Variants in RIC3 observed in about 807,000 individuals in gnomAD.
RIC3 encodes the protein protein RIC-3.
RIC3 carries 28 observed loss-of-function variants against 27.3 expected under a neutral mutation model. That is an observed-to-expected ratio of 1.02 (90% confidence interval 0.76 to 1.41). RIC3 has a LOEUF of 1.41. Among genes scored for constraint, RIC3 ranks in the 40% most tolerant of loss-of-function variants. The probability of loss-of-function intolerance (pLI) is 0.00; values close to 1 mark genes in which losing one functional copy is unlikely to be tolerated. For missense variants in RIC3, 501 were observed against 444.7 expected, an observed-to-expected ratio of 1.13 and a Z score of -1.14; for synonymous variants, 184 against 160.4, an observed-to-expected ratio of 1.15 and a Z score of -1.11.
the RIC3 span, among the ~76,000 whole-genome samples, chr11:8,099,496 T>C: frequency 6.6e-6 from 1 of 152,220 alleles, no homozygotes; most frequent in African/African-American, 2.4e-5. Context: ...TGGTGCCACC[T>C]GCTGACCAGT....
intron 1 of RIC3, among the ~76,000 whole-genome samples, chr11:8,145,656 C>T (rs1949603612): frequency 6.6e-6 from 1 of 151,208 alleles, no homozygotes; most frequent in Non-Finnish European, 1.5e-5. Context: ...GGGGCAGAGG[C>T]AGGGGGAGGT....
intron 5 of RIC3, among the ~76,000 whole-genome samples, chr11:8,117,975 C>G (rs1946038196): frequency 6.6e-6 from 1 of 152,018 alleles, no homozygotes; most frequent in African/African-American, 2.4e-5. Flanking sequence ...GTAATCCCAG[C>G]ACTTTGGGAG....
intron 5 of RIC3, among the ~76,000 whole-genome samples, chr11:8,112,193 C>T (rs1326078641): frequency 6.6e-6 from 1 of 152,044 alleles, no homozygotes; most frequent in Admixed American, 6.6e-5. Context: ...AAAAAGAAAA[C>T]ACAAATCACC....
chr11:8,167,560 C>A (rs1477551573), intron 1 of RIC3, among the ~76,000 whole-genome samples: 2 of 150,140 alleles, frequency 1.3e-5, no homozygotes, highest in Non-Finnish European at 3.0e-5. Context: ...CTCCACTCTA[C>A]ATTTTCTACA....
At chr11:8,094,906 C>T in the RIC3 span, among the ~76,000 whole-genome samples, 2 of 152,248 alleles carry the variant, frequency 1.3e-5, no homozygotes, top group Non-Finnish European at 2.9e-5. Context: ...GGCAGGGTGG[C>T]TGCCACCTGT....
intron 1 of RIC3, among the ~76,000 whole-genome samples, chr11:8,154,593 G>C (rs11041771): frequency 0.035 from 5,399 of 152,218 alleles, 119 homozygotes; most frequent in South Asian, 0.085. Context: ...GACATGTATA[G>C]CTCTAGTTGA....
chr11:8,097,650 GCT>G, the RIC3 span: 1 of 1,425,764 alleles, frequency 7.0e-7, no homozygotes, highest in South Asian at 1.2e-5. Context: ...TGTGTGAGTG[GCT>G]CTCATGACTG....
In RIC3 at chr11:8,109,260, C is replaced by T. The variant is rs1944992307; in HGVS notation, c.*1438G>A. ...GCCAAGCATAATGTAACTCTAAAAG[C>T]CATATCTACCTTTACATAATGTCTT... On this transcript the variant is annotated 3_prime_UTR_variant, in exon 6 of 6. Transcript: ENST00000309737. 1 of 152,202 alleles carries T rather than the reference C, an allele frequency of 6.6e-6. No homozygotes were observed. The highest frequency in any genetic ancestry group is 6.5e-5 in the Admixed American group (1 of 15,276). The allele number at this position is 152,202 out of a possible 1,614,324, so 9.4% of individuals were successfully genotyped here.
intron 4 of RIC3, among the ~76,000 whole-genome samples, chr11:8,131,856 G>T (rs1317909559): frequency 8.0e-6 from 1 of 124,526 alleles, no homozygotes; most frequent in East Asian, 2.4e-4. Flanking sequence ...ACCTGAGATT[G>T]CACCACAGCA....
chr11:8,166,228 T>C (rs953066589), intron 1 of RIC3, among the ~76,000 whole-genome samples: 4 of 152,248 alleles, frequency 2.6e-5, no homozygotes, highest in African/African-American at 7.2e-5. Flanking sequence ...TCTGTTGACA[T>C]GTCTACTTTC....
At chr11:8,157,520 G>T (rs1396704061) in intron 1 of RIC3, among the ~76,000 whole-genome samples, 7 of 152,176 alleles carry the variant, frequency 4.6e-5, no homozygotes, top group Admixed American at 4.6e-4. Flanking sequence ...CACTCAACTT[G>T]TTCAACTACA....
intron 4 of RIC3, among the ~76,000 whole-genome samples, chr11:8,129,456 T>C (rs960261279): frequency 1.3e-5 from 2 of 152,114 alleles, no homozygotes; most frequent in Non-Finnish European, 2.9e-5. Context: ...GCATTTCCAC[T>C]TGGAGGCCTT....
the RIC3 span, among the ~76,000 whole-genome samples, chr11:8,093,547 C>T: frequency 5.0e-4 from 76 of 152,252 alleles, 1 homozygote; most frequent in African/African-American, 1.7e-3. Context: ...CTTCTTGTGT[C>T]CCAGAGTTGT....
intron 4 of RIC3, among the ~76,000 whole-genome samples, chr11:8,134,361 T>C (rs1037676457): frequency 6.6e-6 from 1 of 152,222 alleles, no homozygotes; most frequent in Non-Finnish European, 1.5e-5. Flanking sequence ...TTCCATGGTA[T>C]ATATGTGCCA....
At chr11:8,116,796 T>A (rs1459993756) in intron 5 of RIC3, among the ~76,000 whole-genome samples, 6 of 152,234 alleles carry the variant, frequency 3.9e-5, no homozygotes, top group Admixed American at 3.9e-4. Flanking sequence ...GGAACCCTTA[T>A]ATACTATTGC....
intron 4 of RIC3, chr11:8,135,838 G>A (rs1948335535): frequency 6.6e-6 from 1 of 152,096 alleles, no homozygotes; most frequent in Non-Finnish European, 1.5e-5. Flanking sequence ...CAGACTGTAG[G>A]TGGCAGCTAC....
chr11:8,113,915 C>A (rs1428068313), intron 5 of RIC3, among the ~76,000 whole-genome samples: 2 of 152,218 alleles, frequency 1.3e-5, no homozygotes, highest in Non-Finnish European at 2.9e-5. Context: ...AGTCCAGCCC[C>A]AGGTCAGCCC....
At position 8,149,435 on chromosome 11, in the gene RIC3, C is replaced by T. The variant is rs140380572; in HGVS notation, c.125-9242G>A. Among the ~76,000 whole-genome samples the T allele has an allele frequency of 6.3e-3, 962 of 152,128 alleles. 22 individuals are homozygous for T. The highest frequency in any genetic ancestry group is 0.051 in the Admixed American group (781 of 15,272). ...GTAAAGATGGGGAGGAGTTAAAATG[C>T]TAACTTGTGTGATATATAAATTTGA... On this transcript the variant is annotated intron_variant, in intron 1 of 5. Transcript: ENST00000309737.
chr11:8,128,589 ATTAAG>A (rs1947271267), intron 4 of RIC3, among the ~76,000 whole-genome samples: 1 of 152,148 alleles, frequency 6.6e-6, no homozygotes. Context: ...GGCAGTAATA[ATTAAG>A]TTGACAACAG....
Sources: gnomAD v4.1 joint callset for allele counts (sites outside exome capture counted in the v4.1 genomes callset) on GRCh38, gnomAD v4.1.1 for gene constraint, MANE v1.5 for transcripts, NCBI Gene and HGNC (gene_info 2026-07-23, HGNC 2026-07-21) for gene names.